The following NUP93 variants were observed in gnomAD, a reference collection of about 807,000 sequenced individuals.
NUP93 encodes nuclear pore complex protein Nup93.
Under a neutral mutation model 107.8 loss-of-function variants are expected in NUP93, and 55 were observed. That is an observed-to-expected ratio of 0.51 (90% CI 0.41 to 0.64). The LOEUF is 0.64. Ranked by LOEUF, NUP93 falls within the 30% of genes least tolerant of loss-of-function variation. The pLI is 0.00. For missense variants in NUP93, 937 were observed against 1,044.7 expected, an observed-to-expected ratio of 0.90 and a Z score of 1.42; for synonymous variants, 390 against 397.5, an observed-to-expected ratio of 0.98 and a Z score of 0.22.
chr16:56,765,595 A>G (rs1470952545), intron 3 of NUP93, among the ~76,000 whole-genome samples: 3 of 152,218 alleles, frequency 2.0e-5, no homozygotes, highest in South Asian at 4.1e-4. Context: ...AAAAGACATT[A>G]CATCTTACTG....
rs1455390121 is a variant in NUP93, at chr16:56,803,609, CT to C, written c.361-1891del. Among the ~76,000 whole-genome samples the C allele has an allele frequency of 8.6e-5, 13 of 151,914 alleles. No homozygotes were observed. The East Asian group carries it at 1.5e-3, about 18-fold the overall frequency. On this transcript the variant is annotated intron_variant, in intron 4 of 21. Coordinates refer to ENST00000308159, the MANE Select transcript of NUP93 (RefSeq NM_014669.5). ...TATGACATACGATCTAATTTCAGAG[CT>C]TTTATAAAGATGTTTATATTAATAA...
intron 2 of NUP93, among the ~76,000 whole-genome samples, chr16:56,757,169 C>T (rs554266893): frequency 2.0e-5 from 3 of 152,304 alleles, no homozygotes; most frequent in African/African-American, 7.2e-5. Context: ...TCCAGTAAGT[C>T]TGTTAGTTCA....
chr16:56,761,761 A>G (rs1216462765), intron 3 of NUP93, among the ~76,000 whole-genome samples: 2 of 152,144 alleles, frequency 1.3e-5, no homozygotes, highest in Non-Finnish European at 2.9e-5. Context: ...CCACTTATGC[A>G]TTGTCTTTTT....
At position 56,845,255 on chromosome 16, in the gene NUP93, T is replaced by C. The variant is rs1332008581; in HGVS notation, c.*646T>C. The C allele has an allele frequency of 4.5e-5, 7 of 155,412 alleles. No individual in the cohort carries two copies. The highest frequency in any genetic ancestry group is 8.6e-5 in the Non-Finnish European group (6 of 69,956). 9.6% of individuals were successfully genotyped at this position (155,412 alleles called of 1,614,324 possible). A position where few individuals can be genotyped will look rare whatever the true frequency, so the allele number is the denominator to read the frequency against. ...AAGCCTTAAGAAGGAAGGTTGCAAG[T>C]GCCCCCAGCTTGCACTTGAGGAAGG... On this transcript the variant is annotated 3_prime_UTR_variant, in exon 22 of 22. Coordinates refer to ENST00000308159, the MANE Select transcript of NUP93 (RefSeq NM_014669.5).
chr16:56,744,809 C>T (rs1172639451), intron 1 of NUP93, among the ~76,000 whole-genome samples: 2 of 152,152 alleles, frequency 1.3e-5, no homozygotes, highest in Admixed American at 6.5e-5. Context: ...TGTGCTGCCT[C>T]AGAAATGTTA....
At chr16:56,827,295 A>G (rs1297344677) in intron 8 of NUP93, among the ~76,000 whole-genome samples, 2 of 152,150 alleles carry the variant, frequency 1.3e-5, no homozygotes, top group African/African-American at 2.4e-5. Flanking sequence ...GAGGATTTTA[A>G]GAAGCATGCT....
At chr16:56,767,336 A>G (rs2144496271) in intron 3 of NUP93, among the ~76,000 whole-genome samples, 1 of 152,354 alleles carries the variant, frequency 6.6e-6, no homozygotes, top group African/African-American at 2.4e-5. Context: ...ACAGCTGCCA[A>G]GAAATTATTC....
chr16:56,739,539 C>T (rs1166914835), intron 1 of NUP93, among the ~76,000 whole-genome samples: 21 of 114,442 alleles, frequency 1.8e-4, no homozygotes, highest in Non-Finnish European at 3.2e-4. Context: ...CCCCCCCCAC[C>T]TCCCTCCCGG....
At chr16:56,804,924 T>A (rs1006680558) in intron 4 of NUP93, among the ~76,000 whole-genome samples, 15 of 152,056 alleles carry the variant, frequency 9.9e-5, no homozygotes, top group South Asian at 4.2e-4. Context: ...AAAAAAAAGT[T>A]TATATTTTAC....
Position 56,844,956 on chromosome 16 carries a change from C to G in NUP93, c.*347C>G. On this transcript the variant is annotated 3_prime_UTR_variant, in exon 22 of 22. Coordinates refer to ENST00000308159, the MANE Select transcript of NUP93 (RefSeq NM_014669.5). ...ACCCAAAATGAGCCAGGAAACAAAG[C>G]CTTTGGGAGTTACTTTTATTTAGAT... is the stretch of plus-strand genomic sequence containing the variant. The G allele has an allele frequency of 8.6e-6, 3 of 348,002 alleles. No individual in the cohort carries two copies. The highest frequency in any genetic ancestry group is 4.2e-5 in the East Asian group (1 of 23,994). 21.6% of individuals were successfully genotyped at this position (348,002 alleles called of 1,614,324 possible). A position where few individuals can be genotyped will look rare whatever the true frequency, so the allele number is the denominator to read the frequency against.
Position 56,763,495 on chromosome 16 carries a change from T to G in NUP93, c.297+4840T>G, listed in dbSNP as rs112974388. 4.6e-3 allele frequency among the ~76,000 whole-genome samples: 685 copies of G among 149,854 alleles called. 5 individuals are homozygous for G. The highest frequency in any genetic ancestry group is 0.016 in the African/African-American group (655 of 41,050). ...AGAAGGAACTGCTTGTGTGTGTGTG[T>G]GTGGGTGGGTGTGTGTGTGTATGTG... On this transcript the variant is annotated intron_variant, in intron 3 of 21. Coordinates refer to ENST00000308159, the MANE Select transcript of NUP93 (RefSeq NM_014669.5).
rs1395959625 is a variant in NUP93 at position 56,772,543 on chromosome 16, C to G, written c.297+13888C>G. Among the ~76,000 whole-genome samples the G allele has an allele frequency of 2.0e-5, 3 of 152,276 alleles. No individual in the cohort carries two copies. The East Asian group carries it at 5.8e-4, about 29-fold the overall frequency. On this transcript the variant is annotated intron_variant, in intron 3 of 21. Transcript: ENST00000308159. ...TGCCTTTCCTCTGACCATTTCTTAC[C>G]TGTTTTCTATGGAATGACATTTCCC...
intron 3 of NUP93, among the ~76,000 whole-genome samples, chr16:56,763,779 A>T (rs1962171518): frequency 6.6e-6 from 1 of 152,142 alleles, no homozygotes; most frequent in Admixed American, 6.6e-5. Flanking sequence ...GTAAATAGAA[A>T]TCTAGATTAT....
chr16:56,815,884 CTGCTGCTGCTGCTGG>C (rs1288330926), intron 5 of NUP93, among the ~76,000 whole-genome samples: 31 of 137,522 alleles, frequency 2.3e-4, no homozygotes, highest in East Asian at 3.9e-4. Flanking sequence ...GCTGCTGCTG[CTGCTGCTGCTGCTGG>C]TGCTGCTGCT....
intron 4 of NUP93, among the ~76,000 whole-genome samples, chr16:56,804,905 CAA>C (rs58373431): frequency 2.5e-4 from 16 of 64,918 alleles, no homozygotes; most frequent in Admixed American, 3.5e-4. Flanking sequence ...AACTCTGTCT[CAA>C]AAAAAAAAAA....
chr16:56,814,585 C>A (rs1180428031), intron 5 of NUP93, among the ~76,000 whole-genome samples: 1 of 152,160 alleles, frequency 6.6e-6, no homozygotes, highest in Non-Finnish European at 1.5e-5. Flanking sequence ...GTGCTTAATA[C>A]AAGTTTGCGG....
intron 9 of NUP93, 28 bp downstream of exon 9, chr16:56,829,137 G>A: frequency 6.2e-7 from 1 of 1,603,918 alleles, no homozygotes; most frequent in East Asian, 2.2e-5. Flanking sequence ...TGTGTGATCA[G>A]TTACACCCCC....
Position 56,834,412 on chromosome 16 carries a change from T to C in NUP93, c.1707T>C (p.Cys569=), listed in dbSNP as rs373947658. 39 of 1,614,132 alleles carry C rather than the reference T, an allele frequency of 2.4e-5. No individual in the cohort carries two copies. Among genetic ancestry groups the C allele is most frequent in the Middle Eastern group, 3.3e-4 (2 of 6,084 alleles). The change falls in exon 15 of 22, where the codon TGT becomes TGC. Residue 569 remains cysteine (C), a synonymous_variant. Coordinates refer to ENST00000308159, the MANE Select transcript of NUP93 (RefSeq NM_014669.5). Reference sequence around the variant, plus strand: ...AAGGAGAAAACATGTTTCTGCGCTGTGTGAGTGAGCTTGTGATTGAAAGCC... The same window carrying C: ...AAGGAGAAAACATGTTTCTGCGCTGCGTGAGTGAGCTTGTGATTGAAAGCC... ...DSQGENMFLR[C]VSELVIESRE...
At chr16:56,773,655 G>C (rs1962361612) in intron 3 of NUP93, among the ~76,000 whole-genome samples, 5 of 152,210 alleles carry the variant, frequency 3.3e-5, no homozygotes, top group Admixed American at 3.3e-4. Flanking sequence ...CAGACCTATT[G>C]AATCCAAATC....
Sources: allele counts gnomAD v4.1 joint callset (sites outside exome capture counted in the v4.1 genomes callset), GRCh38; gene constraint gnomAD v4.1.1; transcripts MANE v1.5; gene names NCBI Gene and HGNC (gene_info 2026-07-23, HGNC 2026-07-21).